UTS2: variants seen among roughly 807,000 people sequenced by gnomAD.
UTS2 encodes the protein urotensin-2.
UTS2 carries 10 observed loss-of-function variants against 12.6 expected under a neutral mutation model. That is an observed-to-expected ratio of 0.80 (90% confidence interval 0.49 to 1.35). The LOEUF (loss-of-function observed/expected upper bound fraction) is 1.35. UTS2 is among the 40% of genes most tolerant of loss of function. The pLI is 0.00. For missense variants in UTS2, 142 were observed against 143.2 expected (o/e 0.99, Z 0.04); for synonymous variants, 52 against 50.0 (o/e 1.04, Z -0.17).
chr1:7,876,872 C>T, the UTS2 span, among the ~76,000 whole-genome samples: 2 of 152,218 alleles, frequency 1.3e-5, no homozygotes, highest in Admixed American at 6.5e-5. Context: ...TGGCTCACAC[C>T]TGTAATCCCA....
At chr1:7,881,827 T>A in the UTS2 span, among the ~76,000 whole-genome samples, 2 of 152,188 alleles carry the variant, frequency 1.3e-5, no homozygotes, top group South Asian at 4.2e-4. Flanking sequence ...GCCAAAGCAA[T>A]GCTGAGCAAA....
At chr1:7,899,337 T>C in the UTS2 span, among the ~76,000 whole-genome samples, 1 of 152,234 alleles carries the variant, frequency 6.6e-6, no homozygotes, top group Non-Finnish European at 1.5e-5. Flanking sequence ...ACAGCGATCG[T>C]GACCATCTTT....
chr1:7,895,203 T>C, the UTS2 span, among the ~76,000 whole-genome samples: 1 of 152,012 alleles, frequency 6.6e-6, no homozygotes, highest in East Asian at 1.9e-4. Flanking sequence ...ACCCTGTCTC[T>C]ACTAAAAATA....
At chr1:7,906,489 A>AAGAAAG in the UTS2 span, among the ~76,000 whole-genome samples, 1 of 149,024 alleles carries the variant, frequency 6.7e-6, no homozygotes, top group Non-Finnish European at 1.5e-5. Context: ...GAAAGAAAGA[A>AAGAAAG]AGAAAGAAAG....
intron 2 of UTS2, among the ~76,000 whole-genome samples, chr1:7,850,181 G>A (rs1048232840): frequency 6.6e-6 from 1 of 151,996 alleles, no homozygotes; most frequent in South Asian, 2.1e-4. Context: ...TGTTGGCCAG[G>A]CTGGTCCTAA....
At chr1:7,857,852 G>GAAAAAA (rs3034103), upstream of UTS2, among the ~76,000 whole-genome samples, 1 of 118,630 alleles carries the variant, frequency 8.4e-6, no homozygotes, top group African/African-American at 3.2e-5. Context: ...CCAGTCTCCA[G>GAAAAAA]AAAAAAAAAA....
the UTS2 span, among the ~76,000 whole-genome samples, chr1:7,878,491 T>C: frequency 1.3e-5 from 2 of 152,236 alleles, no homozygotes; most frequent in East Asian, 3.8e-4. Context: ...CAATTTCTAT[T>C]ATTTTTTAAC....
the UTS2 span, among the ~76,000 whole-genome samples, chr1:7,870,868 C>T: frequency 6.6e-6 from 1 of 152,182 alleles, no homozygotes; most frequent in African/African-American, 2.4e-5. Context: ...GTTTTTTACT[C>T]GTTTCATGAA....
At chr1:7,891,385 G>A in the UTS2 span, among the ~76,000 whole-genome samples, 2 of 152,012 alleles carry the variant, frequency 1.3e-5, no homozygotes, top group African/African-American at 4.8e-5. Context: ...AATTAGCCAG[G>A]CGTGGTGGTG....
the UTS2 span, among the ~76,000 whole-genome samples, chr1:7,860,094 A>G: frequency 1.3e-5 from 2 of 152,228 alleles, no homozygotes; most frequent in East Asian, 3.8e-4. Context: ...TTCAACGAAC[A>G]TTGAGCATGT....
the UTS2 span, among the ~76,000 whole-genome samples, chr1:7,891,917 A>G: frequency 2.6e-5 from 4 of 152,128 alleles, no homozygotes; most frequent in Non-Finnish European, 5.9e-5. Flanking sequence ...AGGAGGTAAA[A>G]GGGCATGAGG....
At chr1:7,897,790 T>C in the UTS2 span, among the ~76,000 whole-genome samples, 2 of 152,162 alleles carry the variant, frequency 1.3e-5, no homozygotes, top group Admixed American at 6.6e-5. Flanking sequence ...TTTCACCATG[T>C]TGGCCAGGCT....
chr1:7,899,136 A>G, the UTS2 span, among the ~76,000 whole-genome samples: 1 of 152,154 alleles, frequency 6.6e-6, no homozygotes, highest in Non-Finnish European at 1.5e-5. Flanking sequence ...GTGAAACCTC[A>G]TTGACTATAA....
chr1:7,875,059 TTTTTTTCTTTTTTC>T, the UTS2 span, among the ~76,000 whole-genome samples: 4 of 151,998 alleles, frequency 2.6e-5, no homozygotes, highest in East Asian at 1.9e-4. Flanking sequence ...TTCTTTATTT[TTTTTTTCTTTTTTC>T]TTTTTCTTTT....
chr1:7,860,330 T>C, the UTS2 span, among the ~76,000 whole-genome samples: 1 of 151,982 alleles, frequency 6.6e-6, no homozygotes, highest in Non-Finnish European at 1.5e-5. Context: ...TCCAGGCAGA[T>C]GGAACAGCGA....
At chr1:7,879,964 A>G in the UTS2 span, among the ~76,000 whole-genome samples, 1 of 152,312 alleles carries the variant, frequency 6.6e-6, no homozygotes, top group South Asian at 2.1e-4. Flanking sequence ...GAAAGAAATA[A>G]TAAAGATCAA....
chr1:7,886,743 A>C, the UTS2 span, among the ~76,000 whole-genome samples: 3 of 152,090 alleles, frequency 2.0e-5, no homozygotes, highest in Non-Finnish European at 4.4e-5. Context: ...TTTTGGTCAG[A>C]AAATAATCAG....
At chr1:7,894,679 C>T in the UTS2 span, among the ~76,000 whole-genome samples, 2 of 152,102 alleles carry the variant, frequency 1.3e-5, no homozygotes, top group African/African-American at 4.8e-5. Flanking sequence ...AACAGAATAA[C>T]ATTTTTGCAA....
chr1:7,899,383 AT>A, the UTS2 span, among the ~76,000 whole-genome samples: 1 of 152,110 alleles, frequency 6.6e-6, no homozygotes, highest in Non-Finnish European at 1.5e-5. Flanking sequence ...CACTTTCAAC[AT>A]TTTCTCATTA....
Sources: gnomAD v4.1 joint callset for allele counts (sites outside exome capture counted in the v4.1 genomes callset) on GRCh38, gnomAD v4.1.1 for gene constraint, MANE v1.5 for transcripts, NCBI Gene and HGNC (gene_info 2026-07-23, HGNC 2026-07-21) for gene names.